SUGCT: variants seen among roughly 807,000 people sequenced by gnomAD.
The protein encoded by SUGCT is succinyl-CoA:glutarate CoA-transferase.
Under a neutral mutation model 55.0 loss-of-function variants are expected in SUGCT, and 41 were observed. The observed-to-expected ratio is 0.74, with a 90% CI of 0.58 to 0.97. The LOEUF (loss-of-function observed/expected upper bound fraction) is 0.97, where lower values mean the gene tolerates loss of function less well. SUGCT is among the 50% of genes least tolerant of loss of function. SUGCT has a pLI of 0.00. For missense variants in SUGCT, 568 were observed against 547.8 expected (o/e 1.04, Z -0.37); for synonymous variants, 187 against 200.4 (o/e 0.93, Z 0.56).
intron 13 of SUGCT, among the ~76,000 whole-genome samples, chr7:40,818,984 C>T (rs375545580): frequency 6.8e-6 from 1 of 147,426 alleles, no homozygotes; most frequent in African/African-American, 2.5e-5. Flanking sequence ...GTTCACTTCC[C>T]ACCTATGAGC....
intron 9 of SUGCT, among the ~76,000 whole-genome samples, chr7:40,324,292 G>T (rs1033612090): frequency 8.4e-6 from 1 of 118,680 alleles, no homozygotes; most frequent in Non-Finnish European, 1.8e-5. Flanking sequence ...GTCTTGCTCT[G>T]TTGCCCAGGT....
intron 9 of SUGCT, among the ~76,000 whole-genome samples, chr7:40,422,666 T>A (rs1787374860): frequency 6.6e-6 from 1 of 152,186 alleles, no homozygotes; most frequent in South Asian, 2.1e-4. Context: ...ACTCAATGAA[T>A]ATTTGTTGAA....
intron 13 of SUGCT, among the ~76,000 whole-genome samples, chr7:40,776,270 A>G (rs1290146448): frequency 1.3e-5 from 2 of 152,206 alleles, no homozygotes; most frequent in African/African-American, 4.8e-5. Flanking sequence ...TCAACTATCA[A>G]AATAGGAAAA....
At chr7:40,716,606 G>C (rs1275948112) in intron 12 of SUGCT, among the ~76,000 whole-genome samples, 4 of 152,084 alleles carry the variant, frequency 2.6e-5, no homozygotes, top group African/African-American at 9.7e-5. Context: ...CTAATCATTT[G>C]TGAAAAGAGT....
At chr7:40,238,342 C>G (rs1255964730) in intron 7 of SUGCT, among the ~76,000 whole-genome samples, 1 of 151,216 alleles carries the variant, frequency 6.6e-6, no homozygotes, top group Non-Finnish European at 1.5e-5. Context: ...TGGGAAGTTC[C>G]TAACAAGTAT....
At chr7:40,919,760 TG>T in the SUGCT span, among the ~76,000 whole-genome samples, 2 of 152,336 alleles carry the variant, frequency 1.3e-5, no homozygotes, top group East Asian at 3.9e-4. Context: ...AGGACCTACC[TG>T]ACCATCTAAC....
At chr7:40,961,264 T>G in the SUGCT span, among the ~76,000 whole-genome samples, 1 of 152,214 alleles carries the variant, frequency 6.6e-6, no homozygotes, top group African/African-American at 2.4e-5. Context: ...TGTAGGCCCT[T>G]TCTAAGGGAA....
chr7:40,395,489 CAAAAAAAAAAAA>C (rs36068766), intron 9 of SUGCT, among the ~76,000 whole-genome samples: 3 of 46,134 alleles, frequency 6.5e-5, no homozygotes, highest in Non-Finnish European at 8.7e-5. Flanking sequence ...AACTCTGTCT[CAAAAAAAAAAAA>C]AAAAAAAAAA....
intron 9 of SUGCT, among the ~76,000 whole-genome samples, chr7:40,393,748 T>C (rs1215303995): frequency 1.3e-5 from 2 of 152,108 alleles, no homozygotes; most frequent in East Asian, 3.9e-4. Flanking sequence ...ATTTCTTTCC[T>C]GAAGGAAGGG....
At chr7:40,218,837 G>A (rs1472498362) in intron 6 of SUGCT, among the ~76,000 whole-genome samples, 2 of 152,152 alleles carry the variant, frequency 1.3e-5, no homozygotes, top group East Asian at 1.9e-4. Context: ...TGTCTAAAAT[G>A]GACCAATCAG....
chr7:40,241,469 C>T (rs1446653167), intron 7 of SUGCT, among the ~76,000 whole-genome samples: 2 of 151,242 alleles, frequency 1.3e-5, no homozygotes, highest in Admixed American at 6.6e-5. Flanking sequence ...ATCCCAGCCA[C>T]CCGGAAGGCT....
intron 9 of SUGCT, among the ~76,000 whole-genome samples, chr7:40,397,424 C>G (rs1033910733): frequency 6.6e-6 from 1 of 152,104 alleles, no homozygotes; most frequent in South Asian, 2.1e-4. Flanking sequence ...TGGCACTTAG[C>G]TTATTTTGCC....
At chr7:41,017,909 C>G in the SUGCT span, among the ~76,000 whole-genome samples, 1 of 151,766 alleles carries the variant, frequency 6.6e-6, no homozygotes, top group Non-Finnish European at 1.5e-5. Context: ...GAGAGCCACC[C>G]AGAATTGCAT....
chr7:40,466,932 G>A (rs1176477204), intron 11 of SUGCT, among the ~76,000 whole-genome samples: 3 of 152,154 alleles, frequency 2.0e-5, no homozygotes, highest in Non-Finnish European at 4.4e-5. Flanking sequence ...GGCCGGGCAC[G>A]GTGGCTTACG....
intron 12 of SUGCT, among the ~76,000 whole-genome samples, chr7:40,733,793 G>A (rs563398539): frequency 2.0e-5 from 3 of 152,290 alleles, no homozygotes; most frequent in South Asian, 2.1e-4. Flanking sequence ...TTTATCAACC[G>A]CTGCTTGGCC....
chr7:40,355,656 A>T (rs1797851859), intron 9 of SUGCT, among the ~76,000 whole-genome samples: 1 of 152,234 alleles, frequency 6.6e-6, no homozygotes, highest in African/African-American at 2.4e-5. Flanking sequence ...AAAATAATTT[A>T]GTATTATTTA....
At chr7:41,015,722 A>G in the SUGCT span, among the ~76,000 whole-genome samples, 2 of 152,224 alleles carry the variant, frequency 1.3e-5, no homozygotes, top group African/African-American at 2.4e-5. Flanking sequence ...GACAATGAGC[A>G]GACCCAGTGT....
the SUGCT span, among the ~76,000 whole-genome samples, chr7:40,974,403 C>A: frequency 6.6e-6 from 1 of 152,050 alleles, no homozygotes; most frequent in Non-Finnish European, 1.5e-5. Context: ...GGCTGATGCC[C>A]TTATAGAAAG....
chr7:40,699,418 A>T (rs560672132), intron 12 of SUGCT, among the ~76,000 whole-genome samples: 1 of 152,332 alleles, frequency 6.6e-6, no homozygotes, highest in East Asian at 1.9e-4. Flanking sequence ...GTGGACACTG[A>T]GTGAGAATGC....
Sources: gnomAD v4.1 joint callset for allele counts (sites outside exome capture counted in the v4.1 genomes callset) on GRCh38, gnomAD v4.1.1 for gene constraint, MANE v1.5 for transcripts, NCBI Gene and HGNC (gene_info 2026-07-23, HGNC 2026-07-21) for gene names.